JAK2: variants seen among roughly 807,000 people sequenced by gnomAD.
JAK2 encodes the protein tyrosine-protein kinase JAK2.
Under a neutral mutation model 139.3 loss-of-function variants are expected in JAK2, and 86 were observed. The observed-to-expected ratio is 0.62, with a 90% CI of 0.52 to 0.74. JAK2 has a LOEUF of 0.74. JAK2 is among the 30% of genes least tolerant of loss of function. The pLI is 0.00. For missense variants in JAK2, 1,421 were observed against 1,360.3 expected, an observed-to-expected ratio of 1.04 and a Z score of -0.70; for synonymous variants, 490 against 437.7, an observed-to-expected ratio of 1.12 and a Z score of -1.49.
chr9:5,051,675 G>A (rs1196674634), intron 6 of JAK2, among the ~76,000 whole-genome samples: 3 of 152,144 alleles, frequency 2.0e-5, no homozygotes, highest in African/African-American at 7.2e-5. Flanking sequence ...AGGCAAATAT[G>A]TATTTTATAT....
rs59329054 is a variant in JAK2 at position 5,018,673 on chromosome 9, C to A, written c.-25-3290C>A. On this transcript the variant is annotated intron_variant, in intron 2 of 24. Transcript: ENST00000381652. ...TCTTTGACTTCCATATGTAGAACTC[C>A]CTCAAGCATTTCTTGTAGGTCTGGT... Among the ~76,000 whole-genome samples, 1,006 of 152,276 alleles carry A rather than the reference C, an allele frequency of 6.6e-3. 17 individuals carry two copies. The highest frequency in any genetic ancestry group is 0.023 in the African/African-American group (961 of 41,542).
chr9:5,050,234 CT>C (rs1435154260), intron 5 of JAK2, among the ~76,000 whole-genome samples: 1 of 152,086 alleles, frequency 6.6e-6, no homozygotes, highest in Non-Finnish European at 1.5e-5. Context: ...TGCAAATGAA[CT>C]TTTATTAAAA....
chr9:5,038,950 C>T (rs1388981584), intron 4 of JAK2, among the ~76,000 whole-genome samples: 1 of 152,012 alleles, frequency 6.6e-6, no homozygotes, highest in Admixed American at 6.6e-5. Flanking sequence ...TTGATAAAAT[C>T]CAGCATCCCA....
intron 22 of JAK2, among the ~76,000 whole-genome samples, chr9:5,117,571 T>C (rs937842542): frequency 2.0e-5 from 3 of 152,194 alleles, no homozygotes; most frequent in Non-Finnish European, 4.4e-5. Context: ...CTTGCAAAAA[T>C]GTAAAACAAT....
chr9:5,048,327 G>T (rs1037616758), intron 5 of JAK2, among the ~76,000 whole-genome samples: 2 of 152,014 alleles, frequency 1.3e-5, no homozygotes, highest in Non-Finnish European at 2.9e-5. Context: ...ATTTTTAGTA[G>T]AGATGGGGTT....
chr9:5,046,185 G>C (rs1816994530), intron 5 of JAK2, among the ~76,000 whole-genome samples: 1 of 152,110 alleles, frequency 6.6e-6, no homozygotes, highest in East Asian at 1.9e-4. Context: ...TCTTTGCAGA[G>C]ATGTTGCTTG....
chr9:5,054,612 C>G lies in JAK2; in HGVS notation c.664C>G (p.His222Asp). ...TATTCGAGCAAAGATCCAAGACTAT[C>G]ATATTTTGACAAGGAAGCGAATAAG... Reference protein sequence around the residue: ...KCIRAKIQDYHILTRKRIRYR... With the variant: ...KCIRAKIQDYDILTRKRIRYR... Residue 222 changes from histidine to aspartate, a missense_variant, in exon 7 of 25, where the codon CAT becomes GAT. Physicochemically the swap from His to Asp is moderately conservative, Grantham distance 81. Coordinates refer to ENST00000381652, the MANE Select transcript of JAK2 (RefSeq NM_004972.4). The surrounding 1 kb of genome is among the most constrained non-coding windows in gnomAD (Gnocchi z 4.9). 6.2e-7 allele frequency: 1 copy of G among 1,612,120 alleles called. No homozygotes were observed. Among genetic ancestry groups the G allele is most frequent in the Non-Finnish European group, 8.5e-7 (1 of 1,178,856 alleles).
Position 5,066,787 on chromosome 9 carries a change from G to C in JAK2, c.1324G>C (p.Glu442Gln), listed in dbSNP as rs560489093. ...TAAATATTTTTTGACTTTTGCTGTC[G>C]AGGTTAGTATGTCACACTTATTAGT... Reference protein sequence around the residue: ...FNKYFLTFAVERENVIEYKHC... With the variant: ...FNKYFLTFAVQRENVIEYKHC... Residue 442 changes from glutamate to glutamine, a missense_variant and splice_region_variant, in exon 10 of 25, where the codon GAG becomes CAG. By Grantham distance (29) the Glu-to-Gln change is conservative. Coordinates refer to ENST00000381652, the MANE Select transcript of JAK2 (RefSeq NM_004972.4). The C allele has an allele frequency of 2.0e-6, 3 of 1,479,036 alleles. No homozygotes were observed. In the East Asian group the frequency reaches 7.2e-5, roughly 35 times the overall value. 91.6% of individuals were successfully genotyped at this position (1,479,036 alleles called of 1,614,324 possible).
chr9:5,031,208 C>T (rs1823123175), intron 4 of JAK2, among the ~76,000 whole-genome samples: 1 of 152,142 alleles, frequency 6.6e-6, no homozygotes, highest in Non-Finnish European at 1.5e-5. Flanking sequence ...GAATTTGACA[C>T]ATTACTATGT....
chr9:5,004,401 C>G (rs974948827), intron 2 of JAK2, among the ~76,000 whole-genome samples: 6 of 152,136 alleles, frequency 3.9e-5, no homozygotes, highest in Non-Finnish European at 8.8e-5. Context: ...CTTTCTGTGC[C>G]TAGCTTTATT....
intron 8 of JAK2, among the ~76,000 whole-genome samples, chr9:5,060,388 A>G (rs1818082455): frequency 6.6e-6 from 1 of 152,208 alleles, no homozygotes; most frequent in South Asian, 2.1e-4. Context: ...TACCCACAGT[A>G]GAATTTCTTT....
Position 5,077,440 on chromosome 9 carries a change from T to C in JAK2, c.1865-13T>C. On this transcript the variant is annotated splice_polypyrimidine_tract_variant and intron_variant, in intron 14 of 24. Transcript: ENST00000381652. Reference sequence around the variant, plus strand: ...ACTTAAGCCTTATTATTATTACTTATATTTTAATGCAGATATTCTGGTTCA... The same window carrying C: ...ACTTAAGCCTTATTATTATTACTTACATTTTAATGCAGATATTCTGGTTCA... 2 of 982,272 alleles carry C rather than the reference T, an allele frequency of 2.0e-6. No individual in the cohort carries two copies. Among genetic ancestry groups the C allele is most frequent in the Non-Finnish European group, 2.8e-6 (2 of 711,220 alleles). The allele number at this position is 982,272 out of a possible 1,614,324, so 60.8% of individuals were successfully genotyped here. A position where few individuals can be genotyped will look rare whatever the true frequency, so the allele number is the denominator to read the frequency against.
chr9:5,054,470 T>C lies in JAK2; in HGVS notation c.615-93T>C. 3 of 1,071,362 alleles carry C rather than the reference T, an allele frequency of 2.8e-6. No individual in the cohort carries two copies. The highest frequency in any genetic ancestry group is 4.1e-6 in the Non-Finnish European group (3 of 734,640). The allele number at this position is 1,071,362 out of a possible 1,614,324, so 66.4% of individuals were successfully genotyped here. ...CTGTGTTGTAAGGCCTACTTAATCATGGAAAAAGGTGGTAACTTCTTTTTC... is the reference window on the plus strand; with the variant it reads ...CTGTGTTGTAAGGCCTACTTAATCACGGAAAAAGGTGGTAACTTCTTTTTC... On this transcript the variant is annotated intron_variant, in intron 6 of 24. Transcript: ENST00000381652. This position sits in a 1 kb window ranked among gnomAD's most constrained non-coding sequence, Gnocchi z 4.9.
intron 18 of JAK2, among the ~76,000 whole-genome samples, chr9:5,081,388 G>A (rs112504094): frequency 1.3e-5 from 2 of 151,764 alleles, no homozygotes; most frequent in African/African-American, 4.8e-5. Flanking sequence ...TCAAAATACT[G>A]AGCTGAAATG....
chr9:5,113,730 C>T (rs889876811), intron 22 of JAK2: 15 of 166,554 alleles, frequency 9.0e-5, no homozygotes, highest in Admixed American at 2.6e-4. Context: ...ACCACCCTCA[C>T]GCCCTCTGGC....
intron 22 of JAK2, chr9:5,099,507 T>A (rs1821295450): frequency 6.6e-6 from 1 of 152,208 alleles, no homozygotes. Context: ...ATTTATATTA[T>A]CCCTACACCA....
At chr9:4,998,257 T>G (rs938267792) in intron 2 of JAK2, among the ~76,000 whole-genome samples, 10 of 152,048 alleles carry the variant, frequency 6.6e-5, no homozygotes, top group Admixed American at 2.6e-4. Context: ...TCCAACGGGT[T>G]TTTTTGTTGT....
At chr9:5,069,749 G>A (rs1738756166) in intron 11 of JAK2, among the ~76,000 whole-genome samples, 176 bp from the exon 12 acceptor site, 1 of 151,982 alleles carries the variant, frequency 6.6e-6, no homozygotes, top group African/African-American at 2.4e-5. Context: ...TAACTAAGAA[G>A]AAATATCAAA....
intron 8 of JAK2, among the ~76,000 whole-genome samples, chr9:5,061,277 G>A (rs1400402014): frequency 6.6e-6 from 1 of 152,230 alleles, no homozygotes; most frequent in East Asian, 1.9e-4. Context: ...TTTGAAGTTT[G>A]AAGGCAAGCA....
Sources: gnomAD v4.1 joint callset for allele counts (sites outside exome capture counted in the v4.1 genomes callset) on GRCh38, gnomAD v4.1.1 for gene constraint, Gnocchi (gnomAD v3.1) non-coding constraint, MANE v1.5 for transcripts, NCBI Gene and HGNC (gene_info 2026-07-23, HGNC 2026-07-21) for gene names.